Variants in NRG3 observed in about 807,000 individuals in gnomAD.
NRG3 encodes pro-neuregulin-3, membrane-bound isoform.
Under a neutral mutation model 66.9 loss-of-function variants are expected in NRG3, and 31 were observed. That is an observed-to-expected ratio of 0.46 (90% CI 0.35 to 0.63). The LOEUF is 0.63. NRG3 is among the 20% of genes least tolerant of loss of function. NRG3 has a pLI of 0.00. For synonymous variants in NRG3, 393 were observed against 359.4 expected, an observed-to-expected ratio of 1.09 and a Z score of -1.06; for missense variants, 910 against 878.9, an observed-to-expected ratio of 1.04 and a Z score of -0.45.
chr10:82,359,583 T>C (rs2083991684), intron 2 of NRG3, among the ~76,000 whole-genome samples: 2 of 152,176 alleles, frequency 1.3e-5, no homozygotes, highest in African/African-American at 2.4e-5. Flanking sequence ...CACTGTGGCT[T>C]TAAGACTCAA....
rs376017754 is a variant in NRG3 at position 82,572,171 on chromosome 10, A to G, written c.954-166406A>G. ...AATTCTATACTTGAACATATTTAAT[A>G]TTGTATAATGTATCCTCTTTTCTTT... On this transcript the variant is annotated intron_variant, in intron 2 of 8. Transcript: ENST00000372141. Among the ~76,000 whole-genome samples, 3 of 151,832 alleles carry G rather than the reference A, an allele frequency of 2.0e-5. No individual in the cohort carries two copies. In the East Asian group the frequency reaches 5.8e-4, roughly 29 times the overall value.
At chr10:82,724,253 C>T (rs1231452636) in intron 2 of NRG3, among the ~76,000 whole-genome samples, 1 of 151,314 alleles carries the variant, frequency 6.6e-6, no homozygotes, top group Middle Eastern at 3.4e-3. Flanking sequence ...ACCTCCCTTT[C>T]ATCTCAGTCT....
At chr10:82,205,581 A>G (rs2133556139) in intron 1 of NRG3, among the ~76,000 whole-genome samples, 1 of 152,296 alleles carries the variant, frequency 6.6e-6, no homozygotes, top group South Asian at 2.1e-4. Flanking sequence ...CAGAAGTACC[A>G]AATTCAGGGA....
At chr10:82,241,568 T>A (rs1300537732) in intron 1 of NRG3, among the ~76,000 whole-genome samples, 2 of 152,148 alleles carry the variant, frequency 1.3e-5, no homozygotes, top group African/African-American at 4.8e-5. Flanking sequence ...ATAATACATT[T>A]TAAATTGTCT....
intron 1 of NRG3, among the ~76,000 whole-genome samples, chr10:81,886,108 G>A (rs2132516503): frequency 6.6e-6 from 1 of 152,176 alleles, no homozygotes; most frequent in East Asian, 1.9e-4. Flanking sequence ...AAACCACCAT[G>A]GCACACGTTT....
chr10:82,235,636 G>A (rs1415590998), intron 1 of NRG3, among the ~76,000 whole-genome samples: 2 of 152,132 alleles, frequency 1.3e-5, no homozygotes, highest in African/African-American at 2.4e-5. Context: ...CTCACCTGGT[G>A]CTTTATCTCC....
intron 1 of NRG3, among the ~76,000 whole-genome samples, chr10:82,184,570 G>A (rs1447504111): frequency 6.6e-6 from 1 of 152,116 alleles, no homozygotes; most frequent in African/African-American, 2.4e-5. Flanking sequence ...CTTTCTATAT[G>A]TAAAAGAAAC....
intron 4 of NRG3, among the ~76,000 whole-genome samples, chr10:82,912,763 G>T (rs192373849): frequency 6.6e-6 from 1 of 151,726 alleles, no homozygotes; most frequent in East Asian, 1.9e-4. Context: ...TTCATTTTTG[G>T]ATCTAATTAA....
chr10:82,293,194 C>G (rs2079845855), intron 1 of NRG3, among the ~76,000 whole-genome samples: 1 of 152,108 alleles, frequency 6.6e-6, no homozygotes, highest in Non-Finnish European at 1.5e-5. Flanking sequence ...CCCAGATGGT[C>G]TACGTTGAGT....
chr10:82,753,327 T>G (rs1337474319), intron 3 of NRG3, among the ~76,000 whole-genome samples: 2 of 151,994 alleles, frequency 1.3e-5, no homozygotes, highest in African/African-American at 4.8e-5. Context: ...TCCTCCCCAG[T>G]GTGTAATTCA....
intron 2 of NRG3, among the ~76,000 whole-genome samples, chr10:82,477,030 G>C (rs1219184670): frequency 1.3e-5 from 2 of 152,156 alleles, no homozygotes; most frequent in Non-Finnish European, 2.9e-5. Context: ...TTCTGGGCCA[G>C]GGTGAACAGC....
intron 2 of NRG3, among the ~76,000 whole-genome samples, chr10:82,594,568 G>T (rs1032362896): frequency 6.6e-6 from 1 of 151,964 alleles, no homozygotes; most frequent in Non-Finnish European, 1.5e-5. Context: ...CCACACTACT[G>T]GTGCTTATAG....
At chr10:82,660,760 A>C (rs1331188216) in intron 2 of NRG3, among the ~76,000 whole-genome samples, 1 of 152,018 alleles carries the variant, frequency 6.6e-6, no homozygotes, top group Non-Finnish European at 1.5e-5. Context: ...TTTTTCTGTC[A>C]ATTTATTAAT....
At chr10:82,645,120 C>T (rs950624967) in intron 2 of NRG3, among the ~76,000 whole-genome samples, 7 of 152,040 alleles carry the variant, frequency 4.6e-5, no homozygotes, top group Admixed American at 4.6e-4. Flanking sequence ...TTCTAAACAT[C>T]TTAATGAGTC....
intron 1 of NRG3, among the ~76,000 whole-genome samples, chr10:82,244,087 G>T (rs2036142408): frequency 6.6e-6 from 1 of 152,184 alleles, no homozygotes; most frequent in African/African-American, 2.4e-5. Context: ...AGAATCCTAT[G>T]TTCTTTTCAT....
At chr10:82,059,130 C>T (rs2063999340) in intron 1 of NRG3, among the ~76,000 whole-genome samples, 1 of 152,088 alleles carries the variant, frequency 6.6e-6, no homozygotes, top group East Asian at 1.9e-4. Context: ...AAGGGCCAAG[C>T]AATGAATTGT....
chr10:82,467,911 GTGTA>G (rs1190129872), intron 2 of NRG3, among the ~76,000 whole-genome samples: 1 of 151,938 alleles, frequency 6.6e-6, no homozygotes, highest in Admixed American at 6.6e-5. Context: ...TTGTGTGTGT[GTGTA>G]TGTGTGTGTG....
chr10:82,270,396 G>A (rs1045268956), intron 1 of NRG3, among the ~76,000 whole-genome samples: 1 of 152,130 alleles, frequency 6.6e-6, no homozygotes, highest in Non-Finnish European at 1.5e-5. Context: ...GAAAGTGAAT[G>A]TTGAGTATAT....
chr10:82,236,900 A>G (rs2076782225), intron 1 of NRG3, among the ~76,000 whole-genome samples: 1 of 151,868 alleles, frequency 6.6e-6, no homozygotes, highest in Admixed American at 6.6e-5. Context: ...TATTTTTAGT[A>G]GAGACGGGGT....
Sources: allele counts gnomAD v4.1 joint callset (sites outside exome capture counted in the v4.1 genomes callset), GRCh38; gene constraint gnomAD v4.1.1; transcripts MANE v1.5; gene names NCBI Gene and HGNC (gene_info 2026-07-23, HGNC 2026-07-21).